Variants in RHOU observed in about 807,000 individuals in gnomAD.
The protein encoded by RHOU is rho-related GTP-binding protein RhoU.
Under a neutral mutation model 12.6 loss-of-function variants are expected in RHOU, and 8 were observed. The ratio of observed to expected loss-of-function variants is 0.64; its 90% CI spans 0.37 to 1.15. The LOEUF is 1.15. Ranked by LOEUF, RHOU falls within the 50% of genes most tolerant of loss-of-function variation. The probability of loss-of-function intolerance (pLI) is 0.01; values close to 1 mark genes in which losing one functional copy is unlikely to be tolerated. For synonymous variants in RHOU, 161 were observed against 147.4 expected (o/e 1.09, Z -0.67); for missense variants, 258 against 347.0 (o/e 0.74, Z 2.04).
the RHOU span, among the ~76,000 whole-genome samples, chr1:228,707,128 A>G: frequency 2.3e-3 from 155 of 67,582 alleles, 1 homozygote; most frequent in Admixed American, 4.1e-3. Context: ...ATATATATAC[A>G]TATATATATA....
the RHOU span, among the ~76,000 whole-genome samples, chr1:228,700,523 T>C: frequency 6.6e-6 from 1 of 152,258 alleles, no homozygotes; most frequent in Admixed American, 6.5e-5. Flanking sequence ...ACTTTAGGAG[T>C]TTATTTGCTT....
At chr1:228,734,278 G>A (rs971617046), upstream of RHOU, among the ~76,000 whole-genome samples, 7 of 152,066 alleles carry the variant, frequency 4.6e-5, no homozygotes, top group East Asian at 1.4e-3. Flanking sequence ...TTGCAAGTCA[G>A]GGGTCCTGGA....
chr1:228,659,234 TG>T, the RHOU span, among the ~76,000 whole-genome samples: 4 of 151,678 alleles, frequency 2.6e-5, no homozygotes, highest in Non-Finnish European at 5.9e-5. Context: ...CAAAATCAGC[TG>T]GGCATGGTGG....
chr1:228,737,687 G>A lies in RHOU; in HGVS notation c.277G>A (p.Asp93Asn). Residue 93 changes from aspartate to asparagine, a missense_variant, in exon 2 of 3, where the codon GAT becomes AAT. By Grantham distance (23) the Asp-to-Asn change is conservative. Transcript: ENST00000366691. The surrounding 1 kb of genome is among the most constrained non-coding windows in gnomAD (Gnocchi z 4.1). ...FDNFSAVVSVDGRPVRLQLCD... is the reference protein window; with the variant it reads ...FDNFSAVVSVNGRPVRLQLCD... ...TTGTTTTTAAGCGGTGGTGTCTGTG[G>A]ATGGGCGGCCCGTGAGACTCCAACT... 1 of 1,614,178 alleles carries A rather than the reference G, an allele frequency of 6.2e-7. No homozygotes were observed. Among genetic ancestry groups the A allele is most frequent in the Non-Finnish European group, 8.5e-7 (1 of 1,180,036 alleles).
At chr1:228,707,224 T>C in the RHOU span, among the ~76,000 whole-genome samples, 1 of 105,534 alleles carries the variant, frequency 9.5e-6, no homozygotes, top group Non-Finnish European at 1.7e-5. Flanking sequence ...TATACATATA[T>C]ATATACATAT....
the RHOU span, among the ~76,000 whole-genome samples, chr1:228,699,533 T>C: frequency 1.3e-5 from 2 of 151,064 alleles, no homozygotes; most frequent in Non-Finnish European, 2.9e-5. Flanking sequence ...GTTTCTGTTA[T>C]TAGAAGCATA....
chr1:228,741,173 A>G (rs1662715197), intron 2 of RHOU, among the ~76,000 whole-genome samples: 1 of 152,114 alleles, frequency 6.6e-6, no homozygotes, highest in South Asian at 2.1e-4. Flanking sequence ...AACCCTGATC[A>G]GACTTCTGTG....
At chr1:228,712,355 G>A in the RHOU span, among the ~76,000 whole-genome samples, 1 of 149,806 alleles carries the variant, frequency 6.7e-6, no homozygotes, top group Non-Finnish European at 1.5e-5. Context: ...AAAGACACAT[G>A]CACATGTATG....
the RHOU span, among the ~76,000 whole-genome samples, chr1:228,712,666 G>T: frequency 0.027 from 3,033 of 112,692 alleles, 141 homozygotes; most frequent in African/African-American, 0.094. Context: ...GTTGTAGGGT[G>T]GGGGGAGGGG....
the RHOU span, among the ~76,000 whole-genome samples, chr1:228,718,794 A>G: frequency 2.6e-5 from 4 of 152,184 alleles, no homozygotes; most frequent in Non-Finnish European, 1.5e-5. Flanking sequence ...GTAGACTGCT[A>G]TAAACACTTC....
the RHOU span, chr1:228,650,821 C>T: frequency 2.8e-5 from 12 of 425,620 alleles, no homozygotes; most frequent in Non-Finnish European, 5.1e-5. Flanking sequence ...GCAAGTTCCT[C>T]ATCAAGCTAT....
the RHOU span, among the ~76,000 whole-genome samples, chr1:228,700,852 C>T: frequency 2.0e-5 from 3 of 152,062 alleles, no homozygotes; most frequent in East Asian, 1.9e-4. Flanking sequence ...TTTGGGAGAC[C>T]GAGGCCGGTG....
At chr1:228,707,132 ATATATATATATATG>A in the RHOU span, among the ~76,000 whole-genome samples, 10 of 120,360 alleles carry the variant, frequency 8.3e-5, 1 homozygote, top group South Asian at 9.3e-4. Context: ...ATATACATAT[ATATATATATATATG>A]TATATATATA....
the RHOU span, among the ~76,000 whole-genome samples, chr1:228,663,952 T>C: frequency 7.0e-6 from 1 of 142,156 alleles, no homozygotes; most frequent in African/African-American, 2.6e-5. Flanking sequence ...GGATTTCTTT[T>C]TCTTCTCCCC....
At chr1:228,647,401 G>T in the RHOU span, among the ~76,000 whole-genome samples, 2 of 152,182 alleles carry the variant, frequency 1.3e-5, no homozygotes, top group Non-Finnish European at 2.9e-5. Context: ...TCTCTGGCGT[G>T]TCCTCGGTAC....
chr1:228,726,110 G>A, the RHOU span, among the ~76,000 whole-genome samples: 1 of 151,744 alleles, frequency 6.6e-6, no homozygotes. Flanking sequence ...TATTATTTAT[G>A]CACACTGTTA....
At chr1:228,713,087 A>G in the RHOU span, among the ~76,000 whole-genome samples, 1 of 151,934 alleles carries the variant, frequency 6.6e-6, no homozygotes, top group Non-Finnish European at 1.5e-5. Context: ...CTGGCATACA[A>G]CTTCTAAAAT....
the RHOU span, among the ~76,000 whole-genome samples, chr1:228,647,373 C>G: frequency 1.3e-5 from 2 of 152,184 alleles, no homozygotes; most frequent in Non-Finnish European, 2.9e-5. Context: ...TGGTACCGGG[C>G]GCGTCCGGAG....
At chr1:228,646,547 G>GC in the RHOU span, among the ~76,000 whole-genome samples, 48 of 122,326 alleles carry the variant, frequency 3.9e-4, no homozygotes, top group African/African-American at 1.5e-3. Context: ...CTCTCACAAC[G>GC]CCCCCACCAC....
Sources: gnomAD v4.1 joint callset for allele counts (sites outside exome capture counted in the v4.1 genomes callset) on GRCh38, gnomAD v4.1.1 for gene constraint, Gnocchi (gnomAD v3.1) non-coding constraint, MANE v1.5 for transcripts, NCBI Gene and HGNC (gene_info 2026-07-23, HGNC 2026-07-21) for gene names.